ZRANB3: variants seen among roughly 807,000 people sequenced by gnomAD.
ZRANB3 encodes the protein zinc finger RANBP2-type containing 3.
A neutral mutation model predicts 133.8 loss-of-function variants in ZRANB3; 125 were observed. The observed-to-expected ratio is 0.93, with a 90% CI of 0.81 to 1.08. ZRANB3 has a LOEUF of 1.08. ZRANB3 is among the 50% of genes least tolerant of loss of function. The pLI, the probability that ZRANB3 is intolerant of heterozygous loss-of-function variation, is 0.00. For missense variants in ZRANB3, 1,229 were observed against 1,275.5 expected, an observed-to-expected ratio of 0.96 and a Z score of 0.56; for synonymous variants, 387 against 432.7, an observed-to-expected ratio of 0.89 and a Z score of 1.31.
chr2:135,481,771 C>T (rs1691827419), intron 2 of ZRANB3, among the ~76,000 whole-genome samples: 1 of 151,284 alleles, frequency 6.6e-6, no homozygotes, highest in African/African-American at 2.5e-5. Flanking sequence ...AGTCTTTAAT[C>T]CATCTTGAAC....
intron 3 of ZRANB3, among the ~76,000 whole-genome samples, chr2:135,375,518 T>C (rs1483320790): frequency 6.6e-6 from 1 of 152,034 alleles, no homozygotes; most frequent in Non-Finnish European, 1.5e-5. Flanking sequence ...ACCCCGTCTC[T>C]ACTAAAAATA....
intron 12 of ZRANB3, among the ~76,000 whole-genome samples, chr2:135,241,255 A>G (rs1007879977): frequency 3.3e-5 from 5 of 150,446 alleles, no homozygotes; most frequent in Admixed American, 1.3e-4. Context: ...TTGTCTTTTT[A>G]CCCTGTAAAC....
chr2:135,356,410 A>T (rs1295242431), intron 3 of ZRANB3, among the ~76,000 whole-genome samples: 1 of 152,140 alleles, frequency 6.6e-6, no homozygotes, highest in African/African-American at 2.4e-5. Context: ...TATAATTTTT[A>T]TTTGTCAAAT....
intron 8 of ZRANB3, among the ~76,000 whole-genome samples, chr2:135,286,588 G>T (rs761873345): frequency 1.3e-4 from 20 of 152,024 alleles, no homozygotes; most frequent in African/African-American, 4.6e-4. Flanking sequence ...CTTATTTTTT[G>T]ATTTTTAAAT....
chr2:135,266,926 G>A (rs1680276391), intron 11 of ZRANB3, among the ~76,000 whole-genome samples: 1 of 152,028 alleles, frequency 6.6e-6, no homozygotes, highest in Admixed American at 6.6e-5. Context: ...TCAACCAACT[G>A]CCAATCAGAA....
At chr2:135,373,191 TC>T (rs1269524831) in intron 3 of ZRANB3, among the ~76,000 whole-genome samples, 1 of 152,182 alleles carries the variant, frequency 6.6e-6, no homozygotes, top group Non-Finnish European at 1.5e-5. Context: ...AAAAATTCAT[TC>T]ATTTGTTCAG....
chr2:135,324,779 T>C (rs548484646), intron 6 of ZRANB3, among the ~76,000 whole-genome samples: 4 of 152,190 alleles, frequency 2.6e-5, no homozygotes, highest in Non-Finnish European at 5.9e-5. Context: ...CCATTCTAAC[T>C]GGTGTGAGAT....
chr2:135,353,438 A>C lies in ZRANB3; in HGVS notation c.359+12T>G, dbSNP rs1235502667. Reference sequence around the variant, plus strand: ...AGACTTTTCTCCTTAAATATTAAACAGTTGTTCTTACCTAACATCAGTTTT... The same window carrying C: ...AGACTTTTCTCCTTAAATATTAAACCGTTGTTCTTACCTAACATCAGTTTT... On this transcript the variant is annotated intron_variant, in intron 4 of 20. Coordinates refer to ENST00000264159, the MANE Select transcript of ZRANB3 (RefSeq NM_032143.4). The C allele has an allele frequency of 6.4e-7, 1 of 1,552,066 alleles. No homozygotes were observed. The highest frequency in any genetic ancestry group is 8.7e-7 in the Non-Finnish European group (1 of 1,150,220).
intron 3 of ZRANB3, among the ~76,000 whole-genome samples, chr2:135,377,553 T>A (rs1157628234): frequency 6.6e-6 from 1 of 152,198 alleles, no homozygotes; most frequent in Non-Finnish European, 1.5e-5. Context: ...GAAGGGGTTA[T>A]GTCAAAGGGA....
intron 2 of ZRANB3, among the ~76,000 whole-genome samples, chr2:135,413,576 A>C (rs1292666339): frequency 1.3e-5 from 2 of 152,198 alleles, no homozygotes; most frequent in Non-Finnish European, 2.9e-5. Context: ...TAATTGGCTT[A>C]GTGATTTTCA....
intron 3 of ZRANB3, among the ~76,000 whole-genome samples, chr2:135,360,062 T>C (rs1180957577): frequency 6.6e-6 from 1 of 152,142 alleles, no homozygotes; most frequent in African/African-American, 2.4e-5. Context: ...CTAAATAAAA[T>C]TTGAAAAGGA....
intron 16 of ZRANB3, 49 bp downstream of exon 16, chr2:135,219,028 C>T: frequency 8.3e-7 from 1 of 1,209,626 alleles, no homozygotes. Context: ...ATTACTAAAA[C>T]AAGTTTATTT....
intron 2 of ZRANB3, among the ~76,000 whole-genome samples, chr2:135,403,042 G>A (rs1574044961): frequency 1.3e-5 from 2 of 152,268 alleles, no homozygotes; most frequent in South Asian, 2.1e-4. Flanking sequence ...CAGAAGACGG[G>A]TGATTTCTGC....
At chr2:135,401,545 G>C (rs1460687877) in intron 2 of ZRANB3, among the ~76,000 whole-genome samples, 1 of 152,118 alleles carries the variant, frequency 6.6e-6, no homozygotes, top group African/African-American at 2.4e-5. Context: ...TCAACTAGCT[G>C]TGGTTATATG....
At chr2:135,488,843 T>C (rs574941322) in intron 2 of ZRANB3, among the ~76,000 whole-genome samples, 1 of 150,312 alleles carries the variant, frequency 6.7e-6, no homozygotes, top group South Asian at 2.1e-4. Flanking sequence ...CCATATTTGA[T>C]TATACTATAT....
At position 135,353,546 on chromosome 2, in the gene ZRANB3, G is replaced by C; in HGVS notation, c.263C>G (p.Ser88Trp). Residue 88 changes from serine (S) to tryptophan (W), a missense_variant, in exon 4 of 21, where the codon TCG becomes TGG. Ser to Trp is a radical substitution (Grantham distance 177). Transcript: ENST00000264159. ...EEWPLLIVVP[S>W]SLRYPWTEEI... ...TTCTGTCCAAGGGTACCTCAGAGAC[G>C]AAGGGACCACTATTAACAGAGGCCA... is the stretch of plus-strand genomic sequence containing the variant. 1.2e-6 allele frequency: 2 copies of C among 1,610,330 alleles called. No homozygotes were observed. Among genetic ancestry groups the C allele is most frequent in the Non-Finnish European group, 1.7e-6 (2 of 1,177,650 alleles).
At chr2:135,385,342 G>A (rs1330917744) in intron 3 of ZRANB3, among the ~76,000 whole-genome samples, 1 of 152,070 alleles carries the variant, frequency 6.6e-6, no homozygotes, top group African/African-American at 2.4e-5. Context: ...AAATAAAAGA[G>A]GATACAAACA....
chr2:135,333,311 C>G (rs1477281494), intron 6 of ZRANB3, among the ~76,000 whole-genome samples: 1 of 151,820 alleles, frequency 6.6e-6, no homozygotes, highest in African/African-American at 2.4e-5. Context: ...TCCAATGATA[C>G]AATGACATGC....
chr2:135,378,359 G>C (rs1045284093), intron 3 of ZRANB3, among the ~76,000 whole-genome samples: 11 of 151,956 alleles, frequency 7.2e-5, no homozygotes, highest in Admixed American at 7.2e-4. Flanking sequence ...CAGGTGTAGT[G>C]GTGGGTGCCT....
Sources: gnomAD v4.1 joint callset for allele counts (sites outside exome capture counted in the v4.1 genomes callset) on GRCh38, gnomAD v4.1.1 for gene constraint, MANE v1.5 for transcripts, NCBI Gene and HGNC (gene_info 2026-07-23, HGNC 2026-07-21) for gene names.